The following MTHFD1 variants were observed in gnomAD, a reference collection of about 807,000 sequenced individuals.
The protein encoded by MTHFD1 is methylenetetrahydrofolate dehydrogenase, cyclohydrolase and formyltetrahydrofolate synthetase 1, also known as C-1-tetrahydrofolate synthase, cytoplasmic.
A neutral mutation model predicts 110.3 loss-of-function variants in MTHFD1; 44 were observed. The ratio of observed to expected loss-of-function variants is 0.40; its 90% confidence interval spans 0.31 to 0.51. MTHFD1 has a LOEUF of 0.51. Ranked by LOEUF, MTHFD1 falls within the 20% of genes least tolerant of loss-of-function variation. The pLI is 0.60. For missense variants in MTHFD1, 909 were observed against 1,173.1 expected, an observed-to-expected ratio of 0.77 and a Z score of 3.29; for synonymous variants, 402 against 428.8, an observed-to-expected ratio of 0.94 and a Z score of 0.77.
At chr14:64,400,732 T>G in intron 1 of MTHFD1, 61 bp from the exon 2 acceptor site, 2 of 1,021,876 alleles carry the variant, frequency 2.0e-6, no homozygotes, top group East Asian at 4.8e-5. Context: ...TCTAATAATC[T>G]GCATCACTTA....
intron 6 of MTHFD1, 115 bp downstream of exon 6, chr14:64,415,854 G>A: frequency 9.9e-7 from 1 of 1,014,464 alleles, no homozygotes; most frequent in South Asian, 1.4e-5. Flanking sequence ...TTGATTGGCA[G>A]AAGGGCCTGT....
intron 26 of MTHFD1, 123 bp from the exon 27 acceptor site, chr14:64,458,091 A>G (rs2078504147): frequency 7.5e-6 from 6 of 795,366 alleles, no homozygotes; most frequent in Admixed American, 1.7e-5. Context: ...GGGTCTCACT[A>G]TGTTGCCCAG....
At chr14:64,428,555 CTT>C (rs34456417) in intron 12 of MTHFD1, among the ~76,000 whole-genome samples, 7,813 of 133,870 alleles carry the variant, frequency 0.058, 308 homozygotes, top group African/African-American at 0.13. Context: ...ACCCTTCCAC[CTT>C]TTTTTTTTTT....
At chr14:64,439,288 C>A in intron 17 of MTHFD1, 116 bp downstream of exon 17, 1 of 817,106 alleles carries the variant, frequency 1.2e-6, no homozygotes, top group East Asian at 2.7e-5. Context: ...TCTGCCTTCT[C>A]CCTTTTAAAA....
chr14:64,408,983 A>C lies in MTHFD1; in HGVS notation c.127-2107A>C, dbSNP rs1183423357. On this transcript the variant is annotated intron_variant, in intron 2 of 27. Coordinates refer to ENST00000652337, the MANE Select transcript of MTHFD1 (RefSeq NM_005956.4). ...AAATAAATAAATAAAACCTATACTAAGAGTGACTCTTTGAATTGGCTTTTA... is the reference window on the plus strand; with the variant it reads ...AAATAAATAAATAAAACCTATACTACGAGTGACTCTTTGAATTGGCTTTTA... Among the ~76,000 whole-genome samples, 3 of 152,156 alleles carry C rather than the reference A, an allele frequency of 2.0e-5. No individual in the cohort carries two copies. In the East Asian group the frequency reaches 5.8e-4, roughly 29 times the overall value.
intron 8 of MTHFD1, 150 bp from the exon 9 acceptor site, chr14:64,424,654 A>C: frequency 2.4e-6 from 2 of 848,486 alleles, no homozygotes; most frequent in East Asian, 2.7e-5. Context: ...AGAAATAGCA[A>C]ACATCTGTCA....
chr14:64,414,692 T>C lies in MTHFD1; in HGVS notation c.241-666T>C, dbSNP rs149687575. Reference sequence around the variant, plus strand: ...TTTTTTTTGAGGTGGAGTTTCACTATTGTTGCCCAGGCTGGAGTGCAATGG... The same window carrying C: ...TTTTTTTTGAGGTGGAGTTTCACTACTGTTGCCCAGGCTGGAGTGCAATGG... On this transcript the variant is annotated intron_variant, in intron 4 of 27. Transcript: ENST00000652337. Among the ~76,000 whole-genome samples, 967 of 144,302 alleles carry C rather than the reference T, an allele frequency of 6.7e-3. 8 individuals carry two copies. Among genetic ancestry groups the C allele is most frequent in the African/African-American group, 0.023 (888 of 38,582 alleles). The allele number at this position is 144,302 out of a possible 152,430, so 94.7% of individuals were successfully genotyped here.
At chr14:64,404,676 G>C (rs1280630201) in intron 2 of MTHFD1, among the ~76,000 whole-genome samples, 5 of 152,028 alleles carry the variant, frequency 3.3e-5, no homozygotes, top group African/African-American at 9.7e-5. Context: ...TGTTCATCAA[G>C]AATGTCAAGG....
intron 1 of MTHFD1, among the ~76,000 whole-genome samples, chr14:64,398,212 T>C (rs960917569): frequency 4.6e-5 from 7 of 152,154 alleles, no homozygotes; most frequent in African/African-American, 1.7e-4. Context: ...TATATTATTG[T>C]AGAGAATACT....
intron 26 of MTHFD1, 114 bp downstream of exon 26, chr14:64,454,989 T>C (rs572549119): frequency 1.0e-5 from 11 of 1,101,190 alleles, no homozygotes; most frequent in South Asian, 8.8e-5. Flanking sequence ...CAGAAGAAAA[T>C]TGGAATCGGG....
intron 7 of MTHFD1, 94 bp downstream of exon 7, chr14:64,418,118 C>T: frequency 6.9e-7 from 1 of 1,457,776 alleles, no homozygotes. Flanking sequence ...CCTCATTTAA[C>T]CCCATCATCT....
At chr14:64,400,712 G>C (rs1393997505) in intron 1 of MTHFD1, 81 bp from the exon 2 acceptor site, 1 of 927,684 alleles carries the variant, frequency 1.1e-6, no homozygotes, top group African/African-American at 1.6e-5. Context: ...ACAAATAAAA[G>C]AGAAATACAT....
At chr14:64,445,782 T>C (rs2078285468) in intron 22 of MTHFD1, among the ~76,000 whole-genome samples, 1 of 152,248 alleles carries the variant, frequency 6.6e-6, no homozygotes, top group Admixed American at 6.5e-5. Flanking sequence ...TGCCCCTAGC[T>C]GGCCCAGCTG....
chr14:64,449,312 A>C, intron 23 of MTHFD1, 133 bp from the exon 24 acceptor site: 2 of 1,086,936 alleles, frequency 1.8e-6, no homozygotes, highest in Non-Finnish European at 2.8e-6. Flanking sequence ...GCTGAGATTC[A>C]AACCCAGGCC....
chr14:64,391,309 C>T (rs1596527546), intron 1 of MTHFD1, among the ~76,000 whole-genome samples: 1 of 152,086 alleles, frequency 6.6e-6, no homozygotes, highest in African/African-American at 2.4e-5. Context: ...GGACTACGGG[C>T]ATGCACTACT....
At chr14:64,444,260 T>C (rs2078272041) in intron 21 of MTHFD1, among the ~76,000 whole-genome samples, 1 of 152,160 alleles carries the variant, frequency 6.6e-6, no homozygotes, top group Non-Finnish European at 1.5e-5. Context: ...GTTGGCACTG[T>C]GGACCAGTTC....
At position 64,393,867 on chromosome 14, in the gene MTHFD1, T is replaced by C. The variant is rs142868122; in HGVS notation, c.41+5399T>C. On this transcript the variant is annotated intron_variant, in intron 1 of 27. Coordinates refer to ENST00000652337, the MANE Select transcript of MTHFD1 (RefSeq NM_005956.4). ...CTCCCTTCTCCTCTAATTGACTCAG[T>C]AGAGGTTGGTAGAATAGAGGTTAAG... Among the ~76,000 whole-genome samples the C allele has an allele frequency of 1.2e-4, 18 of 152,104 alleles. No homozygotes were observed. In the East Asian group the frequency reaches 3.1e-3, roughly 26 times the overall value.
chr14:64,442,914 C>T (rs906811477), intron 21 of MTHFD1, among the ~76,000 whole-genome samples: 3 of 152,126 alleles, frequency 2.0e-5, no homozygotes, highest in Non-Finnish European at 4.4e-5. Flanking sequence ...CAGGTGGAGA[C>T]TGGCTCATCC....
chr14:64,442,197 C>A (rs769886203), intron 20 of MTHFD1, 32 bp downstream of exon 20: 10 of 1,613,630 alleles, frequency 6.2e-6, no homozygotes, highest in Middle Eastern at 1.6e-4. Context: ...AGTGAATAGA[C>A]TGTATGTTTC....
Sources: allele counts gnomAD v4.1 joint callset (sites outside exome capture counted in the v4.1 genomes callset), GRCh38; gene constraint gnomAD v4.1.1; transcripts MANE v1.5; gene names NCBI Gene and HGNC (gene_info 2026-07-23, HGNC 2026-07-21).